Variants in SNX19 observed in about 807,000 individuals in gnomAD.
The protein encoded by SNX19 is sorting nexin-19.
SNX19 carries 60 observed loss-of-function variants against 85.2 expected under a neutral mutation model. That is an observed-to-expected ratio of 0.70 (90% CI 0.57 to 0.87). The LOEUF (loss-of-function observed/expected upper bound fraction) is 0.87, where lower values mean the gene tolerates loss of function less well. Ranked by LOEUF, SNX19 falls within the 40% of genes least tolerant of loss-of-function variation. SNX19 has a pLI of 0.00. For missense variants in SNX19, 1,201 were observed against 1,217.8 expected, an observed-to-expected ratio of 0.99 and a Z score of 0.21; for synonymous variants, 520 against 470.0, an observed-to-expected ratio of 1.11 and a Z score of -1.38.
intron 8 of SNX19, among the ~76,000 whole-genome samples, chr11:130,901,526 G>T (rs553873320): frequency 2.0e-5 from 3 of 152,204 alleles, no homozygotes; most frequent in African/African-American, 7.2e-5. Flanking sequence ...CCATTCGAAG[G>T]CAGATACAGG....
chr11:130,908,143 C>A (rs1006169975), intron 4 of SNX19, 60 bp from the exon 5 acceptor site: 4 of 1,583,388 alleles, frequency 2.5e-6, no homozygotes, highest in Non-Finnish European at 3.4e-6. Flanking sequence ...AACCGCCAAG[C>A]AAGCAGTCGC....
intron 8 of SNX19, among the ~76,000 whole-genome samples, chr11:130,894,314 A>G (rs769777420): frequency 2.0e-5 from 3 of 152,158 alleles, no homozygotes; most frequent in Non-Finnish European, 4.4e-5. Context: ...AACGGGTGGG[A>G]TCCACTCAAA....
Position 130,915,970 on chromosome 11 carries a change from G to T in SNX19, c.-31C>A. On this transcript the variant is annotated 5_prime_UTR_variant, in exon 1 of 11. Coordinates refer to ENST00000265909, the MANE Select transcript of SNX19 (RefSeq NM_014758.3). ...AACGGACAAGGTGGCTTCCCCAGAT[G>T]ACAGCCCTCAAGATTTTACTTCAGA... The T allele has an allele frequency of 6.3e-7, 1 of 1,583,598 alleles. No homozygotes were observed. Among genetic ancestry groups the T allele is most frequent in the South Asian group, 1.1e-5 (1 of 88,024 alleles).
chr11:130,884,536 CAA>C (rs1491395211), intron 8 of SNX19, among the ~76,000 whole-genome samples: 3 of 152,064 alleles, frequency 2.0e-5, no homozygotes, highest in Non-Finnish European at 4.4e-5. Flanking sequence ...GCTTCAAGGT[CAA>C]CACACACACA....
chr11:130,879,755 G>A, intron 9 of SNX19, 44 bp from the exon 10 acceptor site: 1 of 1,563,400 alleles, frequency 6.4e-7, no homozygotes, highest in Non-Finnish European at 8.8e-7. Context: ...TATCACTGAA[G>A]TTTTAGATTC....
At position 130,877,493 on chromosome 11, in the gene SNX19, T is replaced by C. The variant is rs1404807038; in HGVS notation, c.*929A>G. The C allele has an allele frequency of 6.6e-6, 1 of 152,302 alleles. No individual in the cohort carries two copies. Among genetic ancestry groups the C allele is most frequent in the East Asian group, 1.9e-4 (1 of 5,200 alleles). 9.4% of individuals were successfully genotyped at this position (152,302 alleles called of 1,614,324 possible). ...GGAAGGGAGATTTCATCCCCCAGCC[T>C]TGCTAGTCCTACTCTTTGTGCATTC... On this transcript the variant is annotated 3_prime_UTR_variant, in exon 11 of 11. Transcript: ENST00000265909.
intron 8 of SNX19, among the ~76,000 whole-genome samples, chr11:130,882,746 C>G (rs1034440615): frequency 3.3e-5 from 5 of 152,310 alleles, no homozygotes; most frequent in Admixed American, 6.5e-5. Context: ...ATGACCTGAT[C>G]GGCTTCTCTG....
intron 2 of SNX19, among the ~76,000 whole-genome samples, chr11:130,911,126 C>T (rs11222389): frequency 0.036 from 5,349 of 148,068 alleles, 155 homozygotes; most frequent in South Asian, 0.13. Context: ...ACCTGGGAGG[C>T]GGAGGTTGCA....
At chr11:130,905,806 C>T in intron 7 of SNX19, 147 bp downstream of exon 7, 2 of 1,543,554 alleles carry the variant, frequency 1.3e-6, no homozygotes. Context: ...TGTGCCCCAA[C>T]ACAGCACCTC....
Position 130,911,794 on chromosome 11 carries a change from G to T in SNX19, c.1675-23C>A. ...GTACTGTTCAACGAACAAATTGATT[G>T]ACTCAATCAGCCGGGTTTCAGCAAT... On this transcript the variant is annotated intron_variant, in intron 1 of 10. Transcript: ENST00000265909. The T allele has an allele frequency of 2.5e-6, 4 of 1,609,556 alleles. No individual in the cohort carries two copies. The South Asian group carries it at 4.4e-5, about 18-fold the overall frequency.
At chr11:130,906,594 T>G in intron 6 of SNX19, 31 bp downstream of exon 6, 1 of 1,460,346 alleles carries the variant, frequency 6.8e-7, no homozygotes, top group Non-Finnish European at 9.6e-7. Flanking sequence ...CAGATATTTT[T>G]GCCTCACATT....
intron 8 of SNX19, among the ~76,000 whole-genome samples, chr11:130,901,374 G>A (rs1419491859): frequency 6.6e-6 from 1 of 152,154 alleles, no homozygotes; most frequent in Non-Finnish European, 1.5e-5. Context: ...GGGAAAGAGA[G>A]CAGATGCTAC....
intron 8 of SNX19, among the ~76,000 whole-genome samples, chr11:130,889,281 C>T (rs928798721): frequency 1.3e-5 from 2 of 151,936 alleles, no homozygotes; most frequent in Admixed American, 6.6e-5. Flanking sequence ...CAGTTAACTA[C>T]CCTGGTTTCA....
intron 4 of SNX19, 109 bp from the exon 5 acceptor site, chr11:130,908,192 A>G: frequency 7.8e-7 from 1 of 1,287,280 alleles, no homozygotes; most frequent in Non-Finnish European, 1.1e-6. Context: ...GAGAGGGGCC[A>G]GGCTATCTAG....
At position 130,914,620 on chromosome 11, in the gene SNX19, T is replaced by G; in HGVS notation, c.1320A>C (p.Thr440=). The G allele has an allele frequency of 6.2e-7, 1 of 1,613,936 alleles. No homozygotes were observed. Residue 440 remains threonine (T), a synonymous_variant, in exon 1 of 11, where the codon ACA becomes ACC. Coordinates refer to ENST00000265909, the MANE Select transcript of SNX19 (RefSeq NM_014758.3). ...TETETGLPVS[T]LNSCPEIHID... Reference sequence around the variant, plus strand: ...TATGGATCTCTGGGCAGGAATTCAGTGTGGAGACCGGCAGGCCTGTCTCTG... The same window carrying G: ...TATGGATCTCTGGGCAGGAATTCAGGGTGGAGACCGGCAGGCCTGTCTCTG...
chr11:130,886,301 T>C (rs1480517254), intron 8 of SNX19, among the ~76,000 whole-genome samples: 1 of 152,198 alleles, frequency 6.6e-6, no homozygotes, highest in Non-Finnish European at 1.5e-5. Flanking sequence ...TATATGTATA[T>C]ATCAGATCTG....
rs1945440967 is a variant in SNX19 at position 130,903,739 on chromosome 11, ACACACACACACG to A, written c.2444-367_2444-356del. ...CATACACACACACACACACACACAC[ACACACACACACG>A]CACTTATTTTGCCTACTTAGTTTCT... On this transcript the variant is annotated intron_variant, in intron 7 of 10. Coordinates refer to ENST00000265909, the MANE Select transcript of SNX19 (RefSeq NM_014758.3). Among the ~76,000 whole-genome samples, 9 of 151,408 alleles carry A rather than the reference ACACACACACACG, an allele frequency of 5.9e-5. No homozygotes were observed. The South Asian group carries it at 1.9e-3, about 32-fold the overall frequency.
intron 8 of SNX19, among the ~76,000 whole-genome samples, chr11:130,890,890 C>CTTTTTTT (rs10678203): frequency 3.5e-5 from 5 of 143,036 alleles, no homozygotes; most frequent in Non-Finnish European, 4.5e-5. Context: ...GGATTTGGGT[C>CTTTTTTT]TTTTTTTTTT....
rs1312984673 is a variant in SNX19 at position 130,878,508 on chromosome 11, G to T, written c.2893C>A (p.Leu965Ile). Residue 965 changes from leucine (L) to isoleucine (I), a missense_variant, in exon 11 of 11, where the codon CTC becomes ATC. By Grantham distance (5) the Leu-to-Ile change is conservative. Coordinates refer to ENST00000265909, the MANE Select transcript of SNX19 (RefSeq NM_014758.3). Reference protein sequence around the residue: ...LGDIILEFLDLSASVEESAAT... With the variant: ...LGDIILEFLDISASVEESAAT... The stretch of plus-strand genomic sequence containing the variant: ...GCAGACTCCTCAACAGAGGCACTGA[G>T]ATCCAAGAATTCCAGGATGATGTCC... 1.9e-6 allele frequency: 3 copies of T among 1,613,846 alleles called. No individual in the cohort carries two copies. Among genetic ancestry groups the T allele is most frequent in the Non-Finnish European group, 1.7e-6 (2 of 1,179,872 alleles).
Sources: allele counts gnomAD v4.1 joint callset (sites outside exome capture counted in the v4.1 genomes callset), GRCh38; gene constraint gnomAD v4.1.1; transcripts MANE v1.5; gene names NCBI Gene and HGNC (gene_info 2026-07-23, HGNC 2026-07-21).